The following AKAP19 variants were observed in gnomAD, a reference collection of about 807,000 sequenced individuals.
The protein encoded by AKAP19 is A-kinase anchoring protein 19.
the AKAP19 span, among the ~76,000 whole-genome samples, chr2:190,036,717 A>G: frequency 5.9e-5 from 9 of 152,294 alleles, no homozygotes; most frequent in African/African-American, 1.9e-4. Flanking sequence ...ATAGACTCAT[A>G]TATCATCAAC....
chr2:189,963,440 C>T, the AKAP19 span, among the ~76,000 whole-genome samples: 1 of 152,292 alleles, frequency 6.6e-6, no homozygotes, highest in Non-Finnish European at 1.5e-5. Context: ...CGTGATCTGC[C>T]TGCCTCGGCC....
chr2:190,164,074 T>C, the AKAP19 span: 4 of 152,228 alleles, frequency 2.6e-5, no homozygotes, highest in African/African-American at 9.6e-5. Context: ...ACTTCAGGGT[T>C]TTCTTACTTT....
the AKAP19 span, among the ~76,000 whole-genome samples, chr2:190,192,490 G>GTT: frequency 1.4e-5 from 2 of 144,302 alleles, no homozygotes; most frequent in Non-Finnish European, 3.1e-5. Context: ...GTGTGTGTGT[G>GTT]TATCTATATA....
At chr2:190,187,488 C>T in the AKAP19 span, among the ~76,000 whole-genome samples, 6 of 150,244 alleles carry the variant, frequency 4.0e-5, no homozygotes, top group Admixed American at 4.0e-4. Flanking sequence ...ATACCTTCCA[C>T]TGGCATATTC....
the AKAP19 span, among the ~76,000 whole-genome samples, chr2:190,133,532 G>T: frequency 6.6e-6 from 1 of 152,152 alleles, no homozygotes; most frequent in Admixed American, 6.5e-5. Context: ...TCTACCATAT[G>T]ATCCAGCAAA....
the AKAP19 span, among the ~76,000 whole-genome samples, chr2:189,948,034 C>T: frequency 3.9e-5 from 6 of 152,196 alleles, no homozygotes; most frequent in Non-Finnish European, 4.4e-5. Context: ...AAATATTTAA[C>T]GTATAATAAG....
At chr2:190,095,961 G>A in the AKAP19 span, among the ~76,000 whole-genome samples, 1 of 152,134 alleles carries the variant, frequency 6.6e-6, no homozygotes, top group African/African-American at 2.4e-5. Flanking sequence ...ATAAGGTGGA[G>A]CCCACAGGAC....
chr2:190,097,902 A>G, the AKAP19 span, among the ~76,000 whole-genome samples: 1 of 151,654 alleles, frequency 6.6e-6, no homozygotes, highest in African/African-American at 2.4e-5. Flanking sequence ...GAAAAGAAAA[A>G]GAAAAAAAGA....
At chr2:190,169,523 T>C in the AKAP19 span, among the ~76,000 whole-genome samples, 144,096 of 152,272 alleles carry the variant, frequency 0.95, 68,684 homozygotes, top group East Asian at 1. Flanking sequence ...CTGTGATTTA[T>C]GAGATAGAGA....
the AKAP19 span, among the ~76,000 whole-genome samples, chr2:189,991,575 T>C: frequency 6.6e-6 from 1 of 152,180 alleles, no homozygotes; most frequent in Non-Finnish European, 1.5e-5. Context: ...TTGTTTGAAT[T>C]CTTTATAGAT....
At chr2:190,049,597 T>C in the AKAP19 span, among the ~76,000 whole-genome samples, 1 of 152,244 alleles carries the variant, frequency 6.6e-6, no homozygotes, top group Non-Finnish European at 1.5e-5. Flanking sequence ...CATCTTGTAA[T>C]TGTAGAGACA....
chr2:189,982,035 C>G, the AKAP19 span, among the ~76,000 whole-genome samples: 1 of 151,934 alleles, frequency 6.6e-6, no homozygotes, highest in Non-Finnish European at 1.5e-5. Context: ...TTTCTTAAAT[C>G]TGGGTGTTGA....
the AKAP19 span, among the ~76,000 whole-genome samples, chr2:189,982,930 G>A: frequency 6.6e-6 from 1 of 152,126 alleles, no homozygotes; most frequent in Non-Finnish European, 1.5e-5. Flanking sequence ...CTAGCATTAA[G>A]CGCCTCTGAT....
chr2:190,181,288 TA>T, the AKAP19 span: 1 of 368,028 alleles, frequency 2.7e-6, no homozygotes, highest in East Asian at 1.6e-4. Context: ...CTCCGTCCCC[TA>T]ATCGAGAAGA....
At chr2:190,157,960 C>T in the AKAP19 span, among the ~76,000 whole-genome samples, 2 of 152,190 alleles carry the variant, frequency 1.3e-5, no homozygotes, top group South Asian at 2.1e-4. Context: ...GGCCCAAAAT[C>T]AGACCTGGGC....
the AKAP19 span, among the ~76,000 whole-genome samples, chr2:189,986,588 T>C: frequency 6.6e-6 from 1 of 152,090 alleles, no homozygotes; most frequent in Admixed American, 6.5e-5. Flanking sequence ...GTAGCTCTTG[T>C]GTTGTTTAGG....
chr2:189,942,601 C>A, the AKAP19 span, among the ~76,000 whole-genome samples: 1 of 152,116 alleles, frequency 6.6e-6, no homozygotes, highest in Non-Finnish European at 1.5e-5. Flanking sequence ...CAGAAGAAGA[C>A]AGGAAGATGA....
At chr2:189,983,916 G>A in the AKAP19 span, among the ~76,000 whole-genome samples, 4 of 152,150 alleles carry the variant, frequency 2.6e-5, no homozygotes, top group East Asian at 1.9e-4. Flanking sequence ...GGTAGGATCC[G>A]TGATGCCCCA....
chr2:190,012,130 G>T, the AKAP19 span, among the ~76,000 whole-genome samples: 1 of 151,810 alleles, frequency 6.6e-6, no homozygotes, highest in African/African-American at 2.4e-5. Context: ...ATAGTTTTCA[G>T]TATACAGATT....
Sources: allele counts gnomAD v4.1 joint callset (sites outside exome capture counted in the v4.1 genomes callset), GRCh38; gene constraint gnomAD v4.1.1; transcripts MANE v1.5; gene names NCBI Gene and HGNC (gene_info 2026-07-23, HGNC 2026-07-21).